SPEG: variants seen among roughly 807,000 people sequenced by gnomAD.
SPEG encodes striated muscle enriched protein kinase.
In SPEG, 114 loss-of-function variants were observed where a neutral mutation model predicts 300.4. That is an observed-to-expected ratio of 0.38 (90% CI 0.33 to 0.44). SPEG has a LOEUF of 0.44. SPEG is among the 20% of genes least tolerant of loss of function. SPEG has a pLI of 1.00. For synonymous variants in SPEG, 1,964 were observed against 2,018.9 expected, an observed-to-expected ratio of 0.97 and a Z score of 0.73; for missense variants, 4,201 against 4,586.2, an observed-to-expected ratio of 0.92 and a Z score of 2.43.
In SPEG at chr2:219,481,775, C is replaced by T. The variant is rs1242015516; in HGVS notation, c.5565+95C>T. 3.7e-6 allele frequency: 4 copies of T among 1,077,514 alleles called. No homozygotes were observed. Among genetic ancestry groups the T allele is most frequent in the Non-Finnish European group, 5.7e-6 (4 of 697,626 alleles). 66.7% of individuals were successfully genotyped at this position (1,077,514 alleles called of 1,614,324 possible). Reference sequence around the variant, plus strand: ...ATTGAGTACCTACTGTGTGCAGTAACCACGTTAGGCATTGTATGTACATAT... The same window carrying T: ...ATTGAGTACCTACTGTGTGCAGTAATCACGTTAGGCATTGTATGTACATAT... On this transcript the variant is annotated intron_variant, in intron 28 of 40. Coordinates refer to ENST00000312358, the MANE Select transcript of SPEG (RefSeq NM_005876.5). This position sits in a 1 kb window ranked among gnomAD's most constrained non-coding sequence, Gnocchi z 5.4.
intron 18 of SPEG, among the ~76,000 whole-genome samples, chr2:219,475,741 G>T: frequency 6.6e-6 from 1 of 152,322 alleles, no homozygotes; most frequent in South Asian, 2.1e-4. Context: ...GTGACCGATG[G>T]AGCCCCATTT....
chr2:219,460,453 C>G, intron 6 of SPEG: 1 of 985,456 alleles, frequency 1.0e-6, no homozygotes, highest in Non-Finnish European at 1.2e-6. Context: ...CGTGTCAGAA[C>G]AAATGGGTCA....
chr2:219,466,739 T>G, intron 9 of SPEG: 1 of 1,002,264 alleles, frequency 1.0e-6, no homozygotes, highest in Non-Finnish European at 1.2e-6. Context: ...TGGGGTGCTC[T>G]GTCTGGGAAT....
intron 6 of SPEG, among the ~76,000 whole-genome samples, chr2:219,453,931 A>G (rs1436079855): frequency 1.3e-5 from 2 of 149,260 alleles, no homozygotes; most frequent in South Asian, 4.3e-4. Flanking sequence ...GCAGGCAGTG[A>G]GGGGTGGGGC....
In SPEG at chr2:219,435,131, G is replaced by T; in HGVS notation, c.154G>T (p.Ala52Ser). 1 of 1,457,702 alleles carries T rather than the reference G, an allele frequency of 6.9e-7. No individual in the cohort carries two copies. The highest frequency in any genetic ancestry group is 9.0e-7 in the Non-Finnish European group (1 of 1,115,714). 90.3% of individuals were successfully genotyped at this position (1,457,702 alleles called of 1,614,324 possible). The change falls in exon 1 of 41, where the codon GCG becomes TCG. Residue 52 changes from alanine (A) to serine (S), a missense_variant. Physicochemically the swap from Ala to Ser is moderately conservative, Grantham distance 99 (BLOSUM62 1). This residue lies in a region of SPEG where 1,258 missense variants were observed against 1,293.9 expected (regional missense o/e 0.97). Transcript: ENST00000312358. ...APVFLRPLKN[A>S]AVCAGSDVRL... ...AGTCTTCCTGCGGCCCCTGAAGAAC[G>T]CGGCGGTGTGCGCGGGCAGCGACGT...
rs774321268 is a variant in SPEG at position 219,491,810 on chromosome 2, G to C, written c.9402G>C (p.Lys3134Asn). Reference sequence around the variant, plus strand: ...TCCTGTCAGCTCCGGAGATGGTGAAGGGAGAACCCATCGGCTCTGCCACGG... The same window carrying C: ...TCCTGTCAGCTCCGGAGATGGTGAACGGAGAACCCATCGGCTCTGCCACGG... ...TLEFMAPEMV[K>N]GEPIGSATDI... Residue 3134 changes from lysine to asparagine, a missense_variant, in exon 39 of 41, where the codon AAG becomes AAC. Coordinates refer to ENST00000312358, the MANE Select transcript of SPEG (RefSeq NM_005876.5). 3.7e-6 allele frequency: 6 copies of C among 1,613,076 alleles called. No individual in the cohort carries two copies. The African/African-American group carries it at 5.3e-5, about 14-fold the overall frequency.
In SPEG at chr2:219,481,179, A is replaced by G; in HGVS notation, c.5370-125A>G. 9.6e-7 allele frequency: 1 copy of G among 1,044,264 alleles called. No individual in the cohort carries two copies. The highest frequency in any genetic ancestry group is 1.5e-5 in the South Asian group (1 of 67,510). 64.7% of individuals were successfully genotyped at this position (1,044,264 alleles called of 1,614,324 possible). The stretch of plus-strand genomic sequence containing the variant: ...GAGTCCGCAGCCTCACCTCTTACCC[A>G]CATTTGCCCAGCCTCTGTCATCCTC... On this transcript the variant is annotated intron_variant, in intron 26 of 40. Transcript: ENST00000312358. The surrounding 1 kb of genome is among the most constrained non-coding windows in gnomAD (Gnocchi z 5.4).
At chr2:219,435,920 C>G (rs114709058) in intron 1 of SPEG, among the ~76,000 whole-genome samples, 2,117 of 152,222 alleles carry the variant, frequency 0.014, 36 homozygotes, top group African/African-American at 0.036. Flanking sequence ...TGAACAGGGT[C>G]CAGGGTAGGA....
Position 219,444,719 on chromosome 2 carries a change from A to G in SPEG, c.455A>G (p.Asp152Gly), listed in dbSNP as rs1217623869. Residue 152 changes from aspartate (D) to glycine (G), a missense_variant, in exon 2 of 41, where the codon GAC becomes GGC. Physicochemically the swap from Asp to Gly is moderately conservative, Grantham distance 94 (BLOSUM62 -1). Coordinates refer to ENST00000312358, the MANE Select transcript of SPEG (RefSeq NM_005876.5). The surrounding 1 kb of genome is among the most constrained non-coding windows in gnomAD (Gnocchi z 7.8). Reference protein sequence around the residue: ...QGTQRLELRDDGAFSTPTGGS... With the variant: ...QGTQRLELRDGGAFSTPTGGS... ...ACCCAGCGCCTGGAGCTTCGGGATG[A>G]CGGGGCCTTCAGCACCCCCACGGGT... The G allele has an allele frequency of 1.2e-6, 2 of 1,613,922 alleles. No homozygotes were observed. The highest frequency in any genetic ancestry group is 2.7e-5 in the African/African-American group (2 of 74,892).
chr2:219,484,248 C>T lies in SPEG; in HGVS notation c.6785C>T (p.Ser2262Leu), dbSNP rs1478790121. The T allele has an allele frequency of 4.3e-6, 7 of 1,610,932 alleles. No individual in the cohort carries two copies. Among genetic ancestry groups the T allele is most frequent in the South Asian group, 1.1e-5 (1 of 91,076 alleles). The change falls in exon 30 of 41, where the codon TCG (serine) becomes TTG (leucine). Residue 2262 changes from serine (S) to leucine (L), a missense_variant. Around this residue, in one of 4 missense-constraint regions of SPEG, gnomAD observed 1,578 missense variants for 1,506.0 expected, o/e 1.05. Transcript: ENST00000312358. ...LQLSGHAQGP[S>L]QGPAAPPSEP... is the part of the protein sequence containing the mutation. Reference sequence around the variant, plus strand: ...CTGTCAGGCCACGCCCAGGGCCCCTCGCAGGGCCCTGCCGCGCCGCCTTCA... The same window carrying T: ...CTGTCAGGCCACGCCCAGGGCCCCTTGCAGGGCCCTGCCGCGCCGCCTTCA...
At chr2:219,455,855 C>T (rs1220230779) in intron 6 of SPEG, among the ~76,000 whole-genome samples, 1 of 152,188 alleles carries the variant, frequency 6.6e-6, no homozygotes, top group African/African-American at 2.4e-5. Context: ...CGAGAGGAGG[C>T]CCTCTGGGTG....
chr2:219,479,865 G>A lies in SPEG; in HGVS notation c.5163+5G>A. 1 of 1,614,092 alleles carries A rather than the reference G, an allele frequency of 6.2e-7. No homozygotes were observed. The highest frequency in any genetic ancestry group is 8.5e-7 in the Non-Finnish European group (1 of 1,179,974). ...GTGCTGCACCTCGATGTCAAGGTGAGGTGGGGACTGGAGAGCAGACAGCCC... is the reference window on the plus strand; with the variant it reads ...GTGCTGCACCTCGATGTCAAGGTGAAGTGGGGACTGGAGAGCAGACAGCCC... On this transcript the variant is annotated splice_donor_5th_base_variant and intron_variant, in intron 24 of 40. Coordinates refer to ENST00000312358, the MANE Select transcript of SPEG (RefSeq NM_005876.5). This position sits in a 1 kb window ranked among gnomAD's most constrained non-coding sequence, Gnocchi z 5.5.
Position 219,434,905 on chromosome 2 carries a change from C to T in SPEG, c.-73C>T. The T allele has an allele frequency of 8.6e-7, 1 of 1,167,632 alleles. No homozygotes were observed. The allele number at this position is 1,167,632 out of a possible 1,614,324, so 72.3% of individuals were successfully genotyped here. A position where few individuals can be genotyped will look rare whatever the true frequency, so the allele number is the denominator to read the frequency against. On this transcript the variant is annotated 5_prime_UTR_variant, in exon 1 of 41. Transcript: ENST00000312358. The stretch of plus-strand genomic sequence containing the variant: ...GCCGCCGGCCCCCCAGACTTGTCTC[C>T]TAGGGCACCGTCCCGCGGGTGCCCC...
chr2:219,435,201 G>C lies in SPEG; in HGVS notation c.224G>C (p.Arg75Pro). ...AGCGGGACGCCCCAGCCCAGCCTCC[G>C]CTGGTTCCGGGATGGGCAGCTCCTG... is the stretch of plus-strand genomic sequence containing the variant. ...VVSGTPQPSL[R>P]WFRDGQLLPA... The change falls in exon 1 of 41, where the codon CGC becomes CCC. Residue 75 changes from arginine (R) to proline (P), a missense_variant. By Grantham distance (103) the Arg-to-Pro change is moderately radical. Around this residue, in one of 4 missense-constraint regions of SPEG, gnomAD observed 1,258 missense variants for 1,293.9 expected, o/e 0.97. Coordinates refer to ENST00000312358, the MANE Select transcript of SPEG (RefSeq NM_005876.5). 2 of 1,481,692 alleles carry C rather than the reference G, an allele frequency of 1.3e-6. No individual in the cohort carries two copies. Among genetic ancestry groups the C allele is most frequent in the Admixed American group, 2.3e-5 (1 of 43,010 alleles). 91.8% of individuals were successfully genotyped at this position (1,481,692 alleles called of 1,614,324 possible).
chr2:219,466,632 C>T (rs1691386923), intron 9 of SPEG: 1 of 1,003,644 alleles, frequency 1.0e-6, no homozygotes. Context: ...GACCAAAAGC[C>T]AGAGGCCCCA....
chr2:219,486,668 C>A (rs1054902842), intron 31 of SPEG, among the ~76,000 whole-genome samples: 1 of 152,140 alleles, frequency 6.6e-6, no homozygotes, highest in East Asian at 1.9e-4. Flanking sequence ...TTACCTCATC[C>A]GCTCCCCGTT....
intron 9 of SPEG, chr2:219,465,912 C>CGT (rs1024847502): frequency 3.8e-4 from 263 of 685,086 alleles, no homozygotes; most frequent in South Asian, 1.7e-3. Flanking sequence ...TGTGTGCATG[C>CGT]GTGTGTGTGT....
intron 36 of SPEG, 26 bp downstream of exon 36, chr2:219,489,965 G>A: frequency 6.5e-7 from 1 of 1,535,292 alleles, no homozygotes; most frequent in South Asian, 1.3e-5. Flanking sequence ...GAAGGGAAGA[G>A]GACAGAGGGG....
chr2:219,488,372 G>A, intron 32 of SPEG, 62 bp downstream of exon 32: 1 of 1,509,830 alleles, frequency 6.6e-7, no homozygotes, highest in Non-Finnish European at 9.1e-7. Context: ...CCCAGGGGAT[G>A]GGAGGGGCTA....
Sources: allele counts gnomAD v4.1 joint callset (sites outside exome capture counted in the v4.1 genomes callset), GRCh38; gene constraint gnomAD v4.1.1; regional missense constraint gnomAD v4.1.1; non-coding constraint Gnocchi (gnomAD v3.1); transcripts MANE v1.5; gene names NCBI Gene and HGNC (gene_info 2026-07-23, HGNC 2026-07-21).